CARMIL1: variants seen among roughly 807,000 people sequenced by gnomAD.
CARMIL1 encodes the protein F-actin-uncapping protein LRRC16A.
CARMIL1 carries 90 observed loss-of-function variants against 177.1 expected under a neutral mutation model. That is an observed-to-expected ratio of 0.51 (90% CI 0.43 to 0.61). The LOEUF is 0.61. CARMIL1 is among the 20% of genes least tolerant of loss of function. The pLI is 0.00. For synonymous variants in CARMIL1, 577 were observed against 606.2 expected (o/e 0.95, Z 0.71); for missense variants, 1,380 against 1,667.0 (o/e 0.83, Z 3.00).
At chr6:25,526,150 CAAATAAATAAAT>C (rs71544642) in intron 23 of CARMIL1, among the ~76,000 whole-genome samples, 2,764 of 139,202 alleles carry the variant, frequency 0.02, 58 homozygotes, top group African/African-American at 0.055. Context: ...ACTAAAAATA[CAAATAAATAAAT>C]AAATAAATAA....
intron 8 of CARMIL1, among the ~76,000 whole-genome samples, chr6:25,454,726 A>G (rs1799334257): frequency 6.6e-6 from 1 of 152,216 alleles, no homozygotes; most frequent in African/African-American, 2.4e-5. Context: ...CAGTCCTTTT[A>G]GATGGGCTTT....
At chr6:25,544,792 C>T (rs548611573) in intron 26 of CARMIL1, among the ~76,000 whole-genome samples, 1 of 152,124 alleles carries the variant, frequency 6.6e-6, no homozygotes, top group South Asian at 2.1e-4. Flanking sequence ...ATGTCTAACA[C>T]GCTATAAAAT....
chr6:25,312,401 T>C (rs1266144251), intron 2 of CARMIL1, among the ~76,000 whole-genome samples: 2 of 151,392 alleles, frequency 1.3e-5, no homozygotes, highest in Non-Finnish European at 2.9e-5. Flanking sequence ...TCCTTCCCCT[T>C]GTTCCACCAA....
chr6:25,505,223 C>T (rs188253767), intron 17 of CARMIL1, among the ~76,000 whole-genome samples: 108 of 152,258 alleles, frequency 7.1e-4, no homozygotes, highest in Admixed American at 3.3e-3. Context: ...CAGTATTATA[C>T]TTCATGGCCA....
rs190189365 is a variant in CARMIL1 at position 25,605,108 on chromosome 6, G to A, written c.3634+215G>A. Among the ~76,000 whole-genome samples the A allele has an allele frequency of 1.8e-4, 28 of 152,206 alleles. No homozygotes were observed. The East Asian group carries it at 5.0e-3, about 27-fold the overall frequency. On this transcript the variant is annotated intron_variant, in intron 34 of 36. Coordinates refer to ENST00000329474, the MANE Select transcript of CARMIL1 (RefSeq NM_017640.6). ...CCACTGTAGCATTGTGCCTGGACAG[G>A]GCACTTTTTGATTTCCCAAAGGGAG...
intron 2 of CARMIL1, among the ~76,000 whole-genome samples, chr6:25,392,526 A>G (rs1478626598): frequency 6.6e-6 from 1 of 152,168 alleles, no homozygotes; most frequent in Non-Finnish European, 1.5e-5. Flanking sequence ...TACTTCCTTC[A>G]GCTTTTCCTT....
chr6:25,571,976 G>A (rs1389071228), intron 29 of CARMIL1, among the ~76,000 whole-genome samples: 2 of 152,116 alleles, frequency 1.3e-5, no homozygotes, highest in African/African-American at 4.8e-5. Flanking sequence ...AAAGGGGAGG[G>A]GATGTTTTAA....
In CARMIL1 at chr6:25,539,887, A is replaced by G. The variant is rs528956096; in HGVS notation, c.2197-60A>G. The G allele has an allele frequency of 6.1e-6, 8 of 1,314,926 alleles. No individual in the cohort carries two copies. The African/African-American group carries it at 1.0e-4, about 17-fold the overall frequency. 81.5% of individuals were successfully genotyped at this position (1,314,926 alleles called of 1,614,324 possible). The stretch of plus-strand genomic sequence containing the variant: ...CTTCACCCTTCTCATTCACTCTGCA[A>G]TGACTTTGATTGAAATATTTACCCA... On this transcript the variant is annotated intron_variant, in intron 25 of 36. Transcript: ENST00000329474.
chr6:25,486,300 C>G (rs569601329), intron 12 of CARMIL1, among the ~76,000 whole-genome samples: 1 of 152,058 alleles, frequency 6.6e-6, no homozygotes, highest in Non-Finnish European at 1.5e-5. Flanking sequence ...CTGAGGAAAT[C>G]CTTCATGCTG....
intron 2 of CARMIL1, among the ~76,000 whole-genome samples, chr6:25,303,464 C>T (rs981128783): frequency 2.7e-4 from 41 of 152,332 alleles, no homozygotes; most frequent in African/African-American, 9.6e-4. Context: ...GAGAAGTGCT[C>T]TGTGCTCAAG....
intron 31 of CARMIL1, among the ~76,000 whole-genome samples, chr6:25,582,727 C>T (rs550429519): frequency 6.6e-6 from 1 of 152,154 alleles, no homozygotes; most frequent in Non-Finnish European, 1.5e-5. Context: ...AAATTTTTTA[C>T]ATCTCTACTA....
intron 6 of CARMIL1, 116 bp from the exon 7 acceptor site, chr6:25,450,223 C>T: frequency 6.3e-6 from 5 of 797,286 alleles, no homozygotes; most frequent in Non-Finnish European, 1.0e-5. Flanking sequence ...TGTTTTCCCC[C>T]CTAAAAAGGA....
At chr6:25,610,913 C>A (rs1270880987) in intron 36 of CARMIL1, among the ~76,000 whole-genome samples, 2 of 152,156 alleles carry the variant, frequency 1.3e-5, no homozygotes, top group Non-Finnish European at 2.9e-5. Flanking sequence ...GTGTAAATGC[C>A]ATCTCTGAGC....
At chr6:25,548,708 A>G (rs975035083) in intron 26 of CARMIL1, among the ~76,000 whole-genome samples, 1 of 152,156 alleles carries the variant, frequency 6.6e-6, no homozygotes, top group Non-Finnish European at 1.5e-5. Context: ...CAAGGGAACA[A>G]ACTTATAAGT....
At chr6:25,343,096 G>A (rs1299993114) in intron 2 of CARMIL1, among the ~76,000 whole-genome samples, 2 of 152,160 alleles carry the variant, frequency 1.3e-5, no homozygotes, top group African/African-American at 2.4e-5. Flanking sequence ...CTCATTGGGT[G>A]TTTCCTCAAT....
At chr6:25,349,934 G>A (rs1228142435) in intron 2 of CARMIL1, among the ~76,000 whole-genome samples, 1 of 151,988 alleles carries the variant, frequency 6.6e-6, no homozygotes, top group Non-Finnish European at 1.5e-5. Flanking sequence ...TCACCATGTT[G>A]GCCAAGATGG....
At chr6:25,452,099 G>T (rs1799019473) in intron 8 of CARMIL1, 5 of 757,524 alleles carry the variant, frequency 6.6e-6, no homozygotes, top group Non-Finnish European at 1.2e-5. Context: ...GAATCGGCCA[G>T]GGAAAAAGTA....
Position 25,519,010 on chromosome 6 carries a change from T to C in CARMIL1, c.1875-1234T>C, listed in dbSNP as rs138942368. On this transcript the variant is annotated intron_variant, in intron 22 of 36. Transcript: ENST00000329474. ...GCAATAGAAATTACAGCTTTCTCTT[T>C]GTCTGATTATTTTACATGAAGCTAC... is the stretch of plus-strand genomic sequence containing the variant. Among the ~76,000 whole-genome samples the C allele has an allele frequency of 2.5e-3, 388 of 152,344 alleles. 2 individuals are homozygous for C. The highest frequency in any genetic ancestry group is 8.2e-3 in the African/African-American group (343 of 41,578).
chr6:25,514,550 C>CA (rs66490833), intron 20 of CARMIL1, among the ~76,000 whole-genome samples: 5,438 of 84,040 alleles, frequency 0.065, 280 homozygotes, highest in Non-Finnish European at 0.076. Context: ...GACCTTGTCT[C>CA]AAAAAAAAAA....
Sources: gnomAD v4.1 joint callset for allele counts (sites outside exome capture counted in the v4.1 genomes callset) on GRCh38, gnomAD v4.1.1 for gene constraint, MANE v1.5 for transcripts, NCBI Gene and HGNC (gene_info 2026-07-23, HGNC 2026-07-21) for gene names.